PRCP: variants seen among roughly 807,000 people sequenced by gnomAD.
PRCP encodes the protein lysosomal Pro-X carboxypeptidase.
PRCP carries 46 observed loss-of-function variants against 54.2 expected under a neutral mutation model. That is an observed-to-expected ratio of 0.85 (90% CI 0.67 to 1.09). The LOEUF (loss-of-function observed/expected upper bound fraction) is 1.09, where lower values mean the gene tolerates loss of function less well. PRCP is among the 50% of genes least tolerant of loss of function. The pLI is 0.00. For synonymous variants in PRCP, 240 were observed against 212.2 expected (o/e 1.13, Z -1.14); for missense variants, 613 against 596.8 (o/e 1.03, Z -0.28).
At chr11:82,880,658 T>C (rs1859726483) in intron 1 of PRCP, among the ~76,000 whole-genome samples, 1 of 152,166 alleles carries the variant, frequency 6.6e-6, no homozygotes, top group Admixed American at 6.5e-5. Flanking sequence ...TCTTGGAACC[T>C]CCTCACTTTG....
intron 8 of PRCP, among the ~76,000 whole-genome samples, chr11:82,832,660 T>C (rs1858417335): frequency 6.6e-6 from 1 of 152,260 alleles, no homozygotes; most frequent in African/African-American, 2.4e-5. Context: ...AGGTTGCCTG[T>C]TCACTCTGAT....
At chr11:82,862,039 T>TATTC (rs1454605000) in intron 1 of PRCP, among the ~76,000 whole-genome samples, 2 of 151,632 alleles carry the variant, frequency 1.3e-5, no homozygotes, top group Non-Finnish European at 2.9e-5. Flanking sequence ...AGATTAGGTA[T>TATTC]ATTCAGTCAG....
intron 8 of PRCP, among the ~76,000 whole-genome samples, chr11:82,832,238 G>C (rs1481936312): frequency 2.0e-5 from 3 of 152,168 alleles, no homozygotes; most frequent in Admixed American, 2.0e-4. Context: ...CTAGGAATGG[G>C]ATTGCTGGGT....
intron 2 of PRCP, among the ~76,000 whole-genome samples, chr11:82,859,649 C>A (rs970476919): frequency 6.6e-6 from 1 of 151,592 alleles, no homozygotes; most frequent in Non-Finnish European, 1.5e-5. Flanking sequence ...AAATTCAATT[C>A]TCTGGGATGT....
rs36084037 is a variant in PRCP, at chr11:82,874,690, C to CAA, written c.169-14575_169-14574dup. ...TGGGCAACAAAGTGAGACCCTGTCT[C>CAA]AAAAAAAAAAAAAAAAAAAGAAAAA... On this transcript the variant is annotated intron_variant, in intron 1 of 8. Transcript: ENST00000313010. Among the ~76,000 whole-genome samples the CAA allele has an allele frequency of 2.7e-3, 186 of 68,768 alleles. 1 individual carries two copies. Among genetic ancestry groups the CAA allele is most frequent in the African/African-American group, 7.3e-3 (171 of 23,562 alleles). The allele number at this position is 68,768 out of a possible 152,430, so 45.1% of individuals were successfully genotyped here.
intron 2 of PRCP, 42 bp from the exon 3 acceptor site, chr11:82,853,320 GA>G (rs1565224513): frequency 2.6e-6 from 4 of 1,540,768 alleles, no homozygotes; most frequent in Admixed American, 1.8e-5. Flanking sequence ...ATCAGAATGT[GA>G]AAAAAAGTCA....
chr11:82,901,184 T>C (rs755476555), upstream of PRCP, among the ~76,000 whole-genome samples: 1 of 152,150 alleles, frequency 6.6e-6, no homozygotes, highest in Non-Finnish European at 1.5e-5. Context: ...ACCCCAAAAC[T>C]GTGTTGCTCG....
intron 1 of PRCP, among the ~76,000 whole-genome samples, chr11:82,882,116 G>T (rs1274236603): frequency 6.6e-5 from 10 of 152,062 alleles, no homozygotes; most frequent in Non-Finnish European, 1.5e-4. Context: ...CTTTGAGAAG[G>T]CTGAACAGGA....
chr11:82,853,083 A>G (rs1858995905), intron 3 of PRCP, 94 bp downstream of exon 3: 6 of 861,148 alleles, frequency 7.0e-6, no homozygotes, highest in Non-Finnish European at 1.0e-5. Context: ...AGGCATTTCA[A>G]ATTTAAGTTA....
chr11:82,885,004 AAT>A, intron 1 of PRCP: 1 of 1,402,474 alleles, frequency 7.1e-7, no homozygotes, highest in African/African-American at 1.5e-5. Context: ...TGAAAGAAAA[AAT>A]ATGATATAAA....
chr11:82,863,516 A>C (rs1859258507), intron 1 of PRCP, among the ~76,000 whole-genome samples: 1 of 152,228 alleles, frequency 6.6e-6, no homozygotes. Context: ...ATGCCTTCCC[A>C]TGAGATTCTT....
At position 82,855,642 on chromosome 11, in the gene PRCP, T is replaced by C. The variant is rs908033272; in HGVS notation, c.310-2364A>G. ...CAAAAAATAATAACAATAAAATAAA[T>C]AAGTAAATAAATTTACAAGAAAAAA... On this transcript the variant is annotated intron_variant, in intron 2 of 8. Coordinates refer to ENST00000313010, the MANE Select transcript of PRCP (RefSeq NM_005040.4). Among the ~76,000 whole-genome samples the C allele has an allele frequency of 2.6e-5, 4 of 151,676 alleles. 1 individual carries two copies. In the South Asian group the frequency reaches 6.2e-4, roughly 24 times the overall value.
intron 8 of PRCP, chr11:82,830,346 G>A (rs1858347739): frequency 6.6e-6 from 1 of 151,940 alleles, no homozygotes; most frequent in Non-Finnish European, 1.5e-5. Flanking sequence ...TGCCTGCGCT[G>A]GCCAGGCACG....
rs751767460 is a variant in PRCP, at chr11:82,860,023, A to G, written c.263T>C (p.Phe88Ser). The change falls in exon 2 of 9, where the codon TTC (phenylalanine) becomes TCC (serine). Residue 88 changes from phenylalanine to serine, a missense_variant. Physicochemically the swap from Phe to Ser is radical, Grantham distance 155. Coordinates refer to ENST00000313010, the MANE Select transcript of PRCP (RefSeq NM_005040.4). The part of the protein sequence containing the change: ...YWKKNGGSIL[F>S]YTGNEGDIIW... Reference sequence around the variant, plus strand: ...AATGTCCCCTTCATTACCAGTGTAGAAAAGTATTGATCCACCATTTTTCTT... The same window carrying G: ...AATGTCCCCTTCATTACCAGTGTAGGAAAGTATTGATCCACCATTTTTCTT... 2.5e-6 allele frequency: 4 copies of G among 1,591,904 alleles called. No homozygotes were observed. Among genetic ancestry groups the G allele is most frequent in the Non-Finnish European group, 2.6e-6 (3 of 1,170,460 alleles).
At chr11:82,859,710 A>C (rs942604921) in intron 2 of PRCP, among the ~76,000 whole-genome samples, 2 of 152,156 alleles carry the variant, frequency 1.3e-5, no homozygotes, top group Non-Finnish European at 1.5e-5. Flanking sequence ...AATTCTCCAA[A>C]AATTGTACAT....
At chr11:82,885,691 T>G (rs7928466) in intron 1 of PRCP, among the ~76,000 whole-genome samples, 83,424 of 151,978 alleles carry the variant, frequency 0.55, 23,755 homozygotes, top group African/African-American at 0.7. Context: ...GAATGCAAGA[T>G]AGGGACATGC....
intron 1 of PRCP, among the ~76,000 whole-genome samples, chr11:82,868,471 G>T (rs575641507): frequency 6.6e-6 from 1 of 152,184 alleles, no homozygotes; most frequent in African/African-American, 2.4e-5. Context: ...CCAAGCAGTG[G>T]TGTGGTTAAG....
chr11:82,834,481 A>C (rs993526379), intron 8 of PRCP, among the ~76,000 whole-genome samples: 1 of 152,236 alleles, frequency 6.6e-6, no homozygotes, highest in Non-Finnish European at 1.5e-5. Flanking sequence ...TAAGGAAATT[A>C]AACAAAAAGC....
At chr11:82,832,067 A>G (rs1021946436) in intron 8 of PRCP, among the ~76,000 whole-genome samples, 14 of 152,170 alleles carry the variant, frequency 9.2e-5, no homozygotes, top group African/African-American at 3.4e-4. Context: ...TTATGGCTAC[A>G]TAGTATTCCA....
Sources: allele counts gnomAD v4.1 joint callset (sites outside exome capture counted in the v4.1 genomes callset), GRCh38; gene constraint gnomAD v4.1.1; transcripts MANE v1.5; gene names NCBI Gene and HGNC (gene_info 2026-07-23, HGNC 2026-07-21).